WDR59: variants seen among roughly 807,000 people sequenced by gnomAD.
WDR59 encodes the protein WD repeat domain 59.
In WDR59, 100 loss-of-function variants were observed where a neutral mutation model predicts 131.2. The ratio of observed to expected loss-of-function variants is 0.76; its 90% confidence interval spans 0.65 to 0.90. The LOEUF (loss-of-function observed/expected upper bound fraction) is 0.90, where lower values mean the gene tolerates loss of function less well. Among genes scored for constraint, WDR59 ranks in the 40% least tolerant of loss-of-function variants. The pLI is 0.00. For missense variants in WDR59, 1,203 were observed against 1,262.2 expected, an observed-to-expected ratio of 0.95 and a Z score of 0.71; for synonymous variants, 601 against 466.2, an observed-to-expected ratio of 1.29 and a Z score of -3.72.
intron 1 of WDR59, among the ~76,000 whole-genome samples, chr16:74,971,877 T>TTTAAAATTTTGTGTAGAGATGGGGGG (rs2033997815): frequency 6.6e-6 from 1 of 151,998 alleles, no homozygotes; most frequent in African/African-American, 2.4e-5. Context: ...CCCGGCTAAT[T>TTTAAAATTTTGTGTAGAGATGGGGGG]TTAAAATTTT....
At position 74,909,643 on chromosome 16, in the gene WDR59, G is replaced by A. The variant is rs753138218; in HGVS notation, c.1500C>T (p.Ser500=). Reference sequence around the variant, plus strand: ...GGAGTGCAAACGGGTTGCTGGAAGCGCTGTCTTCCTGGTTCTGAAATTTAA... The same window carrying A: ...GGAGTGCAAACGGGTTGCTGGAAGCACTGTCTTCCTGGTTCTGAAATTTAA... ...CLESFVNQED[S]ASSNPFALPN... The change falls in exon 16 of 26, where the codon AGC becomes AGT. Residue 500 remains serine, a synonymous_variant. Transcript: ENST00000262144. The A allele has an allele frequency of 5.7e-6, 9 of 1,579,128 alleles. No homozygotes were observed. Among genetic ancestry groups the A allele is most frequent in the East Asian group, 4.5e-5 (2 of 44,408 alleles).
chr16:74,883,505 C>A (rs1202717821), intron 25 of WDR59, among the ~76,000 whole-genome samples: 2 of 152,202 alleles, frequency 1.3e-5, no homozygotes, highest in Non-Finnish European at 2.9e-5. Flanking sequence ...AACATTACTT[C>A]TTGTACAATT....
At chr16:74,877,431 T>C (rs191159385) in intron 25 of WDR59, among the ~76,000 whole-genome samples, 87 of 152,298 alleles carry the variant, frequency 5.7e-4, no homozygotes, top group African/African-American at 2.0e-3. Flanking sequence ...TGACAGCTGG[T>C]TAATTTTTGG....
At chr16:74,879,447 G>C (rs1358728591) in intron 25 of WDR59, among the ~76,000 whole-genome samples, 1 of 152,204 alleles carries the variant, frequency 6.6e-6, no homozygotes, top group South Asian at 2.1e-4. Context: ...GGATTTCTAG[G>C]ACTTTTTGGT....
chr16:74,916,848 G>C (rs1180835327), intron 11 of WDR59, among the ~76,000 whole-genome samples: 1 of 122,442 alleles, frequency 8.2e-6, no homozygotes, highest in Non-Finnish European at 1.7e-5. Context: ...AACAGAGAGA[G>C]ACTCCATCTC....
rs78221556 is a variant in WDR59 at position 74,874,199 on chromosome 16, T to G, written c.*10A>C. ...TCTGGGATTTCAGACAATACCCAAC[T>G]TCTGTAGGTTCAGAAAGTGCTTTCA... On this transcript the variant is annotated 3_prime_UTR_variant, in exon 26 of 26. Coordinates refer to ENST00000262144, the MANE Select transcript of WDR59 (RefSeq NM_030581.4). 6,661 of 1,610,484 alleles carry G rather than the reference T, an allele frequency of 4.1e-3. 163 individuals are homozygous for G. In the African/African-American group the frequency reaches 0.058, roughly 14 times the overall value.
At chr16:74,973,548 A>T (rs1011690477) in intron 1 of WDR59, among the ~76,000 whole-genome samples, 5 of 110,086 alleles carry the variant, frequency 4.5e-5, no homozygotes, top group African/African-American at 1.8e-4. Flanking sequence ...TGGCCTCTCA[A>T]AGTGCTAAGA....
intron 1 of WDR59, among the ~76,000 whole-genome samples, chr16:74,976,265 C>T (rs1423005297): frequency 6.6e-6 from 1 of 152,052 alleles, no homozygotes; most frequent in Non-Finnish European, 1.5e-5. Flanking sequence ...AGTCCTCAAT[C>T]TTTATCTTTG....
intron 3 of WDR59, among the ~76,000 whole-genome samples, chr16:74,955,785 T>A (rs2033259991): frequency 6.6e-6 from 1 of 152,142 alleles, no homozygotes; most frequent in South Asian, 2.1e-4. Flanking sequence ...AATACTCTCC[T>A]GCCAGCCCAA....
chr16:74,937,482 T>C (rs185221880), intron 8 of WDR59, among the ~76,000 whole-genome samples: 24 of 152,288 alleles, frequency 1.6e-4, no homozygotes, highest in African/African-American at 5.8e-4. Flanking sequence ...TCTGACTTCC[T>C]TGCAGCTTCT....
chr16:74,951,384 G>T, intron 4 of WDR59, 74 bp downstream of exon 4: 1 of 1,395,494 alleles, frequency 7.2e-7, no homozygotes. Context: ...CAAGGAGGAC[G>T]GCATCATCAT....
chr16:74,931,988 A>C (rs1223523406), intron 8 of WDR59, among the ~76,000 whole-genome samples: 2 of 151,916 alleles, frequency 1.3e-5, no homozygotes, highest in African/African-American at 4.8e-5. Flanking sequence ...TATCAACTTA[A>C]ATTATAATTT....
intron 25 of WDR59, among the ~76,000 whole-genome samples, chr16:74,885,264 C>T (rs1964696679): frequency 1.3e-5 from 2 of 151,862 alleles, no homozygotes; most frequent in Admixed American, 1.3e-4. Context: ...ACCAGCCTGG[C>T]CAACGTGGTA....
chr16:74,977,372 T>A (rs1339765946), intron 1 of WDR59, among the ~76,000 whole-genome samples: 1 of 152,190 alleles, frequency 6.6e-6, no homozygotes, highest in Non-Finnish European at 1.5e-5. Context: ...GAAAAATTTT[T>A]ACACTCTTCT....
intron 5 of WDR59, among the ~76,000 whole-genome samples, chr16:74,949,325 T>G (rs1597781784): frequency 1.8e-5 from 2 of 108,992 alleles, no homozygotes; most frequent in African/African-American, 7.8e-5. Context: ...AGTAATACCT[T>G]GTCTCAAAAA....
At chr16:74,984,920 G>A in intron 1 of WDR59, 44 bp downstream of exon 1, 1 of 1,591,224 alleles carries the variant, frequency 6.3e-7, no homozygotes, top group Non-Finnish European at 8.6e-7. Flanking sequence ...AGGGGAAGCG[G>A]GGAGGACGCA....
intron 8 of WDR59, among the ~76,000 whole-genome samples, chr16:74,937,774 T>C (rs1465132078): frequency 6.6e-6 from 1 of 152,230 alleles, no homozygotes; most frequent in Non-Finnish European, 1.5e-5. Context: ...AGTGCTGGGA[T>C]TACAGGTGTG....
In WDR59 at chr16:74,872,288, T is replaced by G. The variant is rs1336501405; in HGVS notation, c.*1921A>C. ...CCATTATGAGACATGTCCTAGTCCC[T>G]AAGCTAATCTACTTGGAACTGTAAA... On this transcript the variant is annotated 3_prime_UTR_variant, in exon 26 of 26. Transcript: ENST00000262144. The G allele has an allele frequency of 6.6e-6, 1 of 152,196 alleles. No individual in the cohort carries two copies. Among genetic ancestry groups the G allele is most frequent in the African/African-American group, 2.4e-5 (1 of 41,446 alleles). The allele number at this position is 152,196 out of a possible 1,614,324, so 9.4% of individuals were successfully genotyped here.
At position 74,893,719 on chromosome 16, in the gene WDR59, A is replaced by C. The variant is rs546355279; in HGVS notation, c.1960T>G (p.Cys654Gly). The C allele has an allele frequency of 3.2e-5, 51 of 1,614,166 alleles. 1 individual carries two copies. The South Asian group carries it at 5.4e-4, about 17-fold the overall frequency. The change falls in exon 19 of 26, where the codon TGC (cysteine) becomes GGC (glycine). Residue 654 changes from cysteine to glycine, a missense_variant. Cys to Gly is a radical substitution (Grantham distance 159). Transcript: ENST00000262144. ...AGKVIIQDIA[C>G]LLPVHKSLGE... ...AGCGATTTGTGAACAGGCAGGAGGC[A>C]AGCAATATCCTGGATGATGACTTTC... is the stretch of plus-strand genomic sequence containing the variant.
Sources: gnomAD v4.1 joint callset for allele counts (sites outside exome capture counted in the v4.1 genomes callset) on GRCh38, gnomAD v4.1.1 for gene constraint, MANE v1.5 for transcripts, NCBI Gene and HGNC (gene_info 2026-07-23, HGNC 2026-07-21) for gene names.